The following RTN4 variants were observed in gnomAD, a reference collection of about 807,000 sequenced individuals.
RTN4 encodes the protein reticulon-4.
Under a neutral mutation model 90.4 loss-of-function variants are expected in RTN4, and 32 were observed. That is an observed-to-expected ratio of 0.35 (90% CI 0.27 to 0.48). The LOEUF (loss-of-function observed/expected upper bound fraction) is 0.48, where lower values mean the gene tolerates loss of function less well. RTN4 is among the 20% of genes least tolerant of loss of function. The pLI is 0.99. For missense variants in RTN4, 1,706 were observed against 1,430.2 expected (o/e 1.19, Z -3.11); for synonymous variants, 629 against 552.5 (o/e 1.14, Z -1.94).
rs762713002 is a variant in RTN4 at position 55,049,989 on chromosome 2, C to A, written c.312G>T (p.Arg104=). The A allele has an allele frequency of 5.4e-5, 74 of 1,374,594 alleles. 1 individual carries two copies. Among genetic ancestry groups the A allele is most frequent in the Admixed American group, 2.3e-4 (6 of 26,466 alleles). 85.1% of individuals were successfully genotyped at this position (1,374,594 alleles called of 1,614,324 possible). A position where few individuals can be genotyped will look rare whatever the true frequency, so the allele number is the denominator to read the frequency against. Residue 104 remains arginine (R), a synonymous_variant, in exon 1 of 9, where the codon CGG becomes CGT. Coordinates refer to ENST00000337526, the MANE Select transcript of RTN4 (RefSeq NM_020532.5). The part of the protein sequence containing the change: ...LPAAPPVAPE[R]QPSWDPSPVS... The stretch of plus-strand genomic sequence containing the variant: ...CCGGGCTCGGGTCCCAAGACGGCTG[C>A]CGCTCCGGGGCGACGGGGGGAGCGG...
intron 1 of RTN4, among the ~76,000 whole-genome samples, chr2:55,035,470 G>A (rs1454811989): frequency 6.6e-6 from 1 of 152,090 alleles, no homozygotes; most frequent in African/African-American, 2.4e-5. Flanking sequence ...ATGCAGCAAA[G>A]TAATGCTTAG....
intron 3 of RTN4, among the ~76,000 whole-genome samples, chr2:55,016,673 T>C (rs987128835): frequency 3.3e-5 from 5 of 152,194 alleles, no homozygotes; most frequent in Non-Finnish European, 7.3e-5. Flanking sequence ...GTCTGGGTAA[T>C]ATGATTATAA....
chr2:54,973,766 C>G (rs1310331858), intron 7 of RTN4, 55 bp downstream of exon 7: 23 of 1,551,784 alleles, frequency 1.5e-5, no homozygotes, highest in Non-Finnish European at 2.0e-5. Flanking sequence ...TCCGTAAATC[C>G]CATGTAATAG....
chr2:54,974,726 G>A lies in RTN4; in HGVS notation c.3399C>T (p.Ala1133=). The A allele has an allele frequency of 1.2e-6, 2 of 1,613,896 alleles. No individual in the cohort carries two copies. Among genetic ancestry groups the A allele is most frequent in the Non-Finnish European group, 1.7e-6 (2 of 1,179,840 alleles). Residue 1133 remains alanine, a synonymous_variant, in exon 6 of 9, where the codon GCC becomes GCT. Transcript: ENST00000337526. ...TCAGTAGTGTCAGACCATTAAACAA[G>A]GCACCAACATAGGTAAATACCCACA... The part of the protein sequence containing the change: ...VLMWVFTYVG[A]LFNGLTLLIL...
the RTN4 span, among the ~76,000 whole-genome samples, chr2:55,128,035 AT>A: frequency 6.6e-6 from 1 of 151,432 alleles, no homozygotes; most frequent in Non-Finnish European, 1.5e-5. Context: ...TGCCTGGCTA[AT>A]TTTTTTATTT....
At chr2:55,002,187 T>C (rs1034051093) in intron 3 of RTN4, among the ~76,000 whole-genome samples, 2 of 151,924 alleles carry the variant, frequency 1.3e-5, no homozygotes, top group African/African-American at 4.8e-5. Flanking sequence ...GCCTCCCAAG[T>C]AGCTGGGACC....
chr2:55,082,279 C>T (rs1010138669), intron 1 of RTN4, among the ~76,000 whole-genome samples: 12 of 152,274 alleles, frequency 7.9e-5, no homozygotes, highest in African/African-American at 2.4e-4. Context: ...TCCATAGAAA[C>T]GATCATATAT....
chr2:55,050,388 G>A lies in RTN4; in HGVS notation c.-88C>T, dbSNP rs199620531. The stretch of plus-strand genomic sequence containing the variant: ...CGCGGGCGGTTGTGGGGGTTGGGGA[G>A]GACTGAGAGGGGCTGGGCCGACTGA... On this transcript the variant is annotated 5_prime_UTR_variant, in exon 1 of 9. Transcript: ENST00000337526. This position sits in a 1 kb window ranked among gnomAD's most constrained non-coding sequence, Gnocchi z 4.6. 3.7e-4 allele frequency: 286 copies of A among 776,004 alleles called. 1 individual carries two copies. Among genetic ancestry groups the A allele is most frequent in the Non-Finnish European group, 5.0e-4 (270 of 534,698 alleles). 48.1% of individuals were successfully genotyped at this position (776,004 alleles called of 1,614,324 possible).
intron 3 of RTN4, among the ~76,000 whole-genome samples, chr2:55,021,182 C>G (rs1681401523): frequency 6.6e-6 from 1 of 151,826 alleles, no homozygotes; most frequent in South Asian, 2.1e-4. Context: ...AGAGAGCTTC[C>G]CTTATGTTTT....
chr2:55,066,626 G>A (rs998062079), intron 2 of RTN4, among the ~76,000 whole-genome samples: 11 of 152,042 alleles, frequency 7.2e-5, no homozygotes, highest in African/African-American at 1.2e-4. Context: ...CCCGGGAAGC[G>A]GAGGTTGCAG....
the RTN4 span, among the ~76,000 whole-genome samples, chr2:55,133,259 T>C: frequency 6.6e-6 from 1 of 152,182 alleles, no homozygotes; most frequent in Non-Finnish European, 1.5e-5. Flanking sequence ...ATAGTAAGTA[T>C]ATTTATATAT....
At chr2:55,079,146 T>C (rs1265998722) in intron 2 of RTN4, among the ~76,000 whole-genome samples, 1 of 152,190 alleles carries the variant, frequency 6.6e-6, no homozygotes, top group Non-Finnish European at 1.5e-5. Flanking sequence ...GATTGATCTA[T>C]AAGGCAAAGA....
At chr2:55,107,546 G>T (rs571700342) in intron 1 of RTN4, among the ~76,000 whole-genome samples, 6 of 151,990 alleles carry the variant, frequency 3.9e-5, no homozygotes, top group Non-Finnish European at 5.9e-5. Context: ...TGGTACATCT[G>T]GGGGGGTTTT....
In RTN4 at chr2:54,972,935, A is replaced by T. The variant is rs557321831; in HGVS notation, c.*221T>A. 1.5e-5 allele frequency: 6 copies of T among 405,194 alleles called. No homozygotes were observed. Among genetic ancestry groups the T allele is most frequent in the Non-Finnish European group, 2.6e-5 (6 of 227,078 alleles). The allele number at this position is 405,194 out of a possible 1,614,324, so 25.1% of individuals were successfully genotyped here. The stretch of plus-strand genomic sequence containing the variant: ...TAGGAAAAAGATATGATTACGGTTT[A>T]AATCCATACATAGCAGCTTACAATA... On this transcript the variant is annotated 3_prime_UTR_variant, in exon 9 of 9. Coordinates refer to ENST00000337526, the MANE Select transcript of RTN4 (RefSeq NM_020532.5).
At chr2:55,030,200 T>G (rs997835851) in intron 1 of RTN4, among the ~76,000 whole-genome samples, 3 of 152,198 alleles carry the variant, frequency 2.0e-5, no homozygotes, top group Non-Finnish European at 4.4e-5. Context: ...TTAAAGTATT[T>G]TTTTAATGTA....
In RTN4 at chr2:55,003,481, C is replaced by T. The variant is rs561597380; in HGVS notation, c.3014-15783G>A. On this transcript the variant is annotated intron_variant, in intron 3 of 8. Transcript: ENST00000337526. ...TGAAGCAGATTAAAAAAAATACACACACACTCAGTAATATGTCAGCCTTAT... is the reference window on the plus strand; with the variant it reads ...TGAAGCAGATTAAAAAAAATACACATACACTCAGTAATATGTCAGCCTTAT... Among the ~76,000 whole-genome samples the T allele has an allele frequency of 9.1e-4, 138 of 152,210 alleles. 2 individuals carry two copies. Among genetic ancestry groups the T allele is most frequent in the Admixed American group, 7.1e-3 (109 of 15,294 alleles).
chr2:55,086,825 A>ATTTT (rs146093058), intron 1 of RTN4, among the ~76,000 whole-genome samples: 4 of 140,482 alleles, frequency 2.8e-5, no homozygotes, highest in African/African-American at 5.4e-5. Flanking sequence ...TTCAACTTTA[A>ATTTT]TTTATTTTTT....
At chr2:55,118,205 C>A in the RTN4 span, among the ~76,000 whole-genome samples, 1 of 152,056 alleles carries the variant, frequency 6.6e-6, no homozygotes, top group African/African-American at 2.4e-5. Flanking sequence ...GTAGCTTATG[C>A]CTGTAATCCC....
At chr2:55,081,704 T>A (rs2972065) in intron 1 of RTN4, among the ~76,000 whole-genome samples, 138,516 of 151,188 alleles carry the variant, frequency 0.92, 63,607 homozygotes, top group African/African-American at 0.97. Flanking sequence ...CTCTCAAAAA[T>A]TTTTTTTAAT....
Sources: gnomAD v4.1 joint callset for allele counts (sites outside exome capture counted in the v4.1 genomes callset) on GRCh38, gnomAD v4.1.1 for gene constraint, Gnocchi (gnomAD v3.1) non-coding constraint, MANE v1.5 for transcripts, NCBI Gene and HGNC (gene_info 2026-07-23, HGNC 2026-07-21) for gene names.